The following KRT83 variants were observed in gnomAD, a reference collection of about 807,000 sequenced individuals.
KRT83 encodes the protein keratin, type II cuticular Hb3.
KRT83 carries 51 observed loss-of-function variants against 52.9 expected under a neutral mutation model. The observed-to-expected ratio is 0.96, with a 90% CI of 0.77 to 1.22. The LOEUF (loss-of-function observed/expected upper bound fraction) is 1.22. Ranked by LOEUF, KRT83 falls within the 50% of genes most tolerant of loss-of-function variation. The probability of loss-of-function intolerance (pLI) is 0.00; values close to 1 mark genes in which losing one functional copy is unlikely to be tolerated. For missense variants in KRT83, 654 were observed against 666.5 expected, an observed-to-expected ratio of 0.98 and a Z score of 0.21; for synonymous variants, 278 against 274.1, an observed-to-expected ratio of 1.01 and a Z score of -0.14.
chr12:52,319,475 C>T (rs1938739174), intron 1 of KRT83, 111 bp from the exon 2 acceptor site: 2 of 1,460,156 alleles, frequency 1.4e-6, no homozygotes, highest in African/African-American at 1.4e-5. Flanking sequence ...CAGAGTCTTC[C>T]CTGGAAGGCG....
At position 52,314,956 on chromosome 12, in the gene KRT83, C is replaced by T. The variant is rs935829037; in HGVS notation, c.1295-138G>A. 7.5e-5 allele frequency: 56 copies of T among 744,420 alleles called. No individual in the cohort carries two copies. The African/African-American group carries it at 8.6e-4, about 11-fold the overall frequency. The allele number at this position is 744,420 out of a possible 1,614,324, so 46.1% of individuals were successfully genotyped here. On this transcript the variant is annotated intron_variant, in intron 8 of 8. Transcript: ENST00000293670. ...CCAGTTCTATTCTGAAGGAGGGAAC[C>T]CTAGCCTGGGAGCCAGCAGACCGGG...
chr12:52,318,983 A>T (rs938702958), intron 2 of KRT83, among the ~76,000 whole-genome samples, 173 bp downstream of exon 2: 1 of 152,188 alleles, frequency 6.6e-6, no homozygotes, highest in African/African-American at 2.4e-5. Context: ...GTGGAAAGAC[A>T]AGCTGAGCCT....
rs781317580 is a variant in KRT83 at position 52,315,343 on chromosome 12, C to A, written c.1263G>T (p.Arg421Ser). The A allele has an allele frequency of 2.5e-6, 4 of 1,613,746 alleles. No homozygotes were observed. In the South Asian group the frequency reaches 4.4e-5, roughly 18 times the overall value. ...TCACAGCTTCAACACCTTCACACAG[C>A]CTGAGTGGGGAAAAAGTAAGGAAGG... ...YRRLLEGEEQRLCEGVEAVNV... is the reference protein window; with the variant it reads ...YRRLLEGEEQSLCEGVEAVNV... The change falls in exon 8 of 9, where the codon AGG becomes AGT. Residue 421 changes from arginine to serine, a missense_variant and splice_region_variant. Coordinates refer to ENST00000293670, the MANE Select transcript of KRT83 (RefSeq NM_002282.3).
At chr12:52,316,139 G>T in intron 6 of KRT83, 26 bp from the exon 7 acceptor site, 1 of 1,612,624 alleles carries the variant, frequency 6.2e-7, no homozygotes, top group Non-Finnish European at 8.5e-7. Flanking sequence ...AATATGGAGA[G>T]GATAAAGTGA....
chr12:52,315,619 T>TCTAG (rs1198416130), intron 7 of KRT83, among the ~76,000 whole-genome samples: 8 of 152,190 alleles, frequency 5.3e-5, no homozygotes, highest in Non-Finnish European at 1.2e-4. Context: ...ATCTGTCAGG[T>TCTAG]CTAGATAGGC....
At position 52,315,992 on chromosome 12, in the gene KRT83, G is replaced by A. The variant is rs144732230; in HGVS notation, c.1163C>T (p.Ala388Val). The A allele has an allele frequency of 2.0e-5, 33 of 1,613,288 alleles. No individual in the cohort carries two copies. In the African/African-American group the frequency reaches 3.6e-4, roughly 18 times the overall value. The change falls in exon 7 of 9, where the codon GCC (alanine) becomes GTC (valine). Residue 388 changes from alanine to valine, a missense_variant. By Grantham distance (64) the Ala-to-Val change is moderately conservative (BLOSUM62 0). Transcript: ENST00000293670. ...CTCCTGGTACTCCCTGATCAGGCAG[G>A]CCATGTCTTGCTTGGCCTTCTGCAG... The part of the protein sequence containing the change: ...GALQKAKQDM[A>V]CLIREYQEVM...
intron 4 of KRT83, 49 bp from the exon 5 acceptor site, chr12:52,317,072 C>T: frequency 6.2e-7 from 1 of 1,613,006 alleles, no homozygotes; most frequent in Non-Finnish European, 8.5e-7. Context: ...TGGGCTTCTC[C>T]TAATCCCTGG....
intron 8 of KRT83, among the ~76,000 whole-genome samples, chr12:52,315,088 CT>C (rs1938665718): frequency 6.6e-6 from 1 of 152,164 alleles, no homozygotes; most frequent in South Asian, 2.1e-4. Context: ...TCTGAGGTCC[CT>C]TCTTGCAATG....
Position 52,319,309 on chromosome 12 carries a change from T to G in KRT83, c.440A>C (p.Gln147Pro). Reference protein sequence around the residue: ...KLLETKLQFYQNRECCQSNLE... With the variant: ...KLLETKLQFYPNRECCQSNLE... ...GTTACTCTGGCAGCACTCGCGGTTT[T>G]GGTAGAACTGCAGCTTTGTCTCCAG... The change falls in exon 2 of 9, where the codon CAA (glutamine) becomes CCA (proline). Residue 147 changes from glutamine to proline, a missense_variant. Physicochemically the swap from Gln to Pro is moderately conservative, Grantham distance 76. Coordinates refer to ENST00000293670, the MANE Select transcript of KRT83 (RefSeq NM_002282.3). 1 of 1,614,108 alleles carries G rather than the reference T, an allele frequency of 6.2e-7. No individual in the cohort carries two copies. The highest frequency in any genetic ancestry group is 2.2e-5 in the East Asian group (1 of 44,886).
At chr12:52,317,107 C>T (rs915268061) in intron 4 of KRT83, 84 bp from the exon 5 acceptor site, 50 of 1,560,064 alleles carry the variant, frequency 3.2e-5, no homozygotes, top group Middle Eastern at 1.7e-4. Flanking sequence ...TTTGGCTCAT[C>T]GGGAGTGAAC....
chr12:52,316,214 T>A, intron 6 of KRT83, 101 bp from the exon 7 acceptor site: 1 of 1,493,214 alleles, frequency 6.7e-7, no homozygotes, highest in Non-Finnish European at 9.1e-7. Context: ...CTTAAAATAT[T>A]ATCTCTCCAA....
In KRT83 at chr12:52,320,967, C is replaced by G. The variant is rs200595102; in HGVS notation, c.369G>C (p.Ala123=). The part of the protein sequence containing the change: ...EQIKSLNSRF[A]AFIDKVRFLE... ...CGACACCCACCTTGTCGATGAAGGC[C>G]GCGAATCTGCTGTTGAGGGACTTGA... is the stretch of plus-strand genomic sequence containing the variant. Residue 123 remains alanine, a synonymous_variant, in exon 1 of 9, where the codon GCG becomes GCC. Transcript: ENST00000293670. 1.2e-6 allele frequency: 2 copies of G among 1,613,834 alleles called. No homozygotes were observed. Among genetic ancestry groups the G allele is most frequent in the Middle Eastern group, 1.7e-4 (1 of 5,920 alleles).
chr12:52,320,927 G>A, intron 1 of KRT83, 25 bp downstream of exon 1: 1 of 1,613,856 alleles, frequency 6.2e-7, no homozygotes. Flanking sequence ...GGTTCAGGAA[G>A]GGTGTGATCC....
rs766187594 is a variant in KRT83 at position 52,317,695 on chromosome 12, G to C, written c.736C>G (p.Arg246Gly). ...ALIQEIDFLR[R>G]LYEEEIRILQ... is the part of the protein sequence containing the mutation. ...GAGCCCCTCACCTCCTCGTACAGCC[G>C]CCTCAGGAAGTCAATCTCCTGGATC... The change falls in exon 4 of 9, where the codon CGG (arginine) becomes GGG (glycine). Residue 246 changes from arginine to glycine, a missense_variant. By Grantham distance (125) the Arg-to-Gly change is moderately radical. Transcript: ENST00000293670. The C allele has an allele frequency of 2.5e-6, 4 of 1,612,436 alleles. No homozygotes were observed. Among genetic ancestry groups the C allele is most frequent in the Non-Finnish European group, 3.4e-6 (4 of 1,179,964 alleles).
rs766123635 is a variant in KRT83, at chr12:52,319,363, A to G, written c.386T>C (p.Val129Ala). ...CTTGTTCTGCTGCTCCAGGAAGCGC[A>G]CCTGCCACCCAGAGGCAGAGCCTAA... ...NSRFAAFIDK[V>A]RFLEQQNKLL... Residue 129 changes from valine to alanine, a missense_variant and splice_region_variant, in exon 2 of 9, where the codon GTG becomes GCG. Coordinates refer to ENST00000293670, the MANE Select transcript of KRT83 (RefSeq NM_002282.3). 1.2e-6 allele frequency: 2 copies of G among 1,614,010 alleles called. No homozygotes were observed. The highest frequency in any genetic ancestry group is 2.2e-5 in the South Asian group (2 of 91,080).
At position 52,316,806 on chromosome 12, in the gene KRT83, C is replaced by T; in HGVS notation, c.915+53G>A. 5 of 1,613,716 alleles carry T rather than the reference C, an allele frequency of 3.1e-6. 1 individual carries two copies. The highest frequency in any genetic ancestry group is 1.7e-5 in the Admixed American group (1 of 60,022). On this transcript the variant is annotated intron_variant, in intron 5 of 8. Transcript: ENST00000293670. The stretch of plus-strand genomic sequence containing the variant: ...CAAAGAAGCCTTTTCTACTAGATAC[C>T]TCACATCCCTCCCACTGCCATGTCT...
chr12:52,315,990 A>G lies in KRT83; in HGVS notation c.1165T>C (p.Cys389Arg). The change falls in exon 7 of 9, where the codon TGC becomes CGC. Residue 389 changes from cysteine to arginine, a missense_variant. Physicochemically the swap from Cys to Arg is radical, Grantham distance 180 (BLOSUM62 -3). Coordinates refer to ENST00000293670, the MANE Select transcript of KRT83 (RefSeq NM_002282.3). ...ALQKAKQDMACLIREYQEVMN... is the reference protein window; with the variant it reads ...ALQKAKQDMARLIREYQEVMN... Reference sequence around the variant, plus strand: ...ACCTCCTGGTACTCCCTGATCAGGCAGGCCATGTCTTGCTTGGCCTTCTGC... The same window carrying G: ...ACCTCCTGGTACTCCCTGATCAGGCGGGCCATGTCTTGCTTGGCCTTCTGC... 6.2e-7 allele frequency: 1 copy of G among 1,613,244 alleles called. No individual in the cohort carries two copies.
chr12:52,317,586 T>C, intron 4 of KRT83, 95 bp downstream of exon 4: 7 of 1,375,772 alleles, frequency 5.1e-6, no homozygotes, highest in Non-Finnish European at 7.3e-6. Context: ...TGGGTTCATA[T>C]GTCAGCAGGC....
chr12:52,318,663 A>G (rs1463156665), intron 2 of KRT83, among the ~76,000 whole-genome samples: 1 of 152,176 alleles, frequency 6.6e-6, no homozygotes, highest in Non-Finnish European at 1.5e-5. Context: ...TCCAGTGCGT[A>G]TTCTTCATAC....
Sources: gnomAD v4.1 joint callset for allele counts (sites outside exome capture counted in the v4.1 genomes callset) on GRCh38, gnomAD v4.1.1 for gene constraint, MANE v1.5 for transcripts, NCBI Gene and HGNC (gene_info 2026-07-23, HGNC 2026-07-21) for gene names.